CTNNA3: variants seen among roughly 807,000 people sequenced by gnomAD.
CTNNA3 encodes the protein catenin alpha-3.
In CTNNA3, 76 loss-of-function variants were observed where a neutral mutation model predicts 95.7. The ratio of observed to expected loss-of-function variants is 0.79; its 90% CI spans 0.66 to 0.96. The LOEUF (loss-of-function observed/expected upper bound fraction) is 0.96, where lower values mean the gene tolerates loss of function less well. Ranked by LOEUF, CTNNA3 falls within the 40% of genes least tolerant of loss-of-function variation. CTNNA3 has a pLI of 0.00. For missense variants in CTNNA3, 1,191 were observed against 1,089.8 expected, an observed-to-expected ratio of 1.09 and a Z score of -1.31; for synonymous variants, 431 against 374.4, an observed-to-expected ratio of 1.15 and a Z score of -1.74.
intron 5 of CTNNA3, among the ~76,000 whole-genome samples, chr10:67,428,754 A>G (rs372382638): frequency 7.9e-5 from 12 of 152,078 alleles, no homozygotes; most frequent in Admixed American, 1.3e-4. Context: ...TCAGCTTCCA[A>G]TGAATATAAA....
Position 67,606,965 on chromosome 10 carries a change from C to A in CTNNA3, c.184G>T (p.Val62Leu), listed in dbSNP as rs779408195. 18 of 1,613,836 alleles carry A rather than the reference C, an allele frequency of 1.1e-5. No homozygotes were observed. Among genetic ancestry groups the A allele is most frequent in the Non-Finnish European group, 1.3e-5 (15 of 1,179,700 alleles). The change falls in exon 3 of 18, where the codon GTG (valine) becomes TTG (leucine). Residue 62 changes from valine (V) to leucine (L), a missense_variant. Transcript: ENST00000433211. ...AATAAATTCCAAGTTGCTTCCTCCA[C>A]AGAAGCTAGAAGGACACTGGCTCTT... ...SKRASVLLAS[V>L]EEATWNLLDK...
chr10:65,999,358 T>C (rs1481301153), intron 15 of CTNNA3, among the ~76,000 whole-genome samples: 1 of 152,140 alleles, frequency 6.6e-6, no homozygotes, highest in African/African-American at 2.4e-5. Context: ...CAGTGTTATA[T>C]CTAAGGAGCA....
At chr10:67,380,986 T>C (rs1392156890) in intron 5 of CTNNA3, among the ~76,000 whole-genome samples, 5 of 152,194 alleles carry the variant, frequency 3.3e-5, no homozygotes, top group African/African-American at 7.2e-5. Flanking sequence ...ACAAATCTAT[T>C]GCCCTGAACT....
At position 66,905,827 on chromosome 10, in the gene CTNNA3, G is replaced by A. The variant is rs1845965847; in HGVS notation, c.1048-130303C>T. ...GAGTAAATGGTGGTTGCCAGGCATT[G>A]GGTGAGGAGGAAAGAGAAAATTGCT... is the stretch of plus-strand genomic sequence containing the variant. On this transcript the variant is annotated intron_variant, in intron 7 of 17. Transcript: ENST00000433211. Among the ~76,000 whole-genome samples the A allele has an allele frequency of 1.3e-5, 2 of 152,122 alleles. 1 individual carries two copies. Among genetic ancestry groups the A allele is most frequent in the Admixed American group, 1.3e-4 (2 of 15,266 alleles).
intron 1 of CTNNA3, among the ~76,000 whole-genome samples, chr10:67,738,499 C>T (rs1841315649): frequency 6.6e-6 from 1 of 152,032 alleles, no homozygotes; most frequent in East Asian, 1.9e-4. Flanking sequence ...AAAAACAGAG[C>T]AGAAAAACTG....
chr10:66,073,330 A>T (rs1323398468), intron 14 of CTNNA3, among the ~76,000 whole-genome samples: 1 of 152,166 alleles, frequency 6.6e-6, no homozygotes, highest in Non-Finnish European at 1.5e-5. Context: ...TAGCCAATAT[A>T]GTTCTTCTAC....
chr10:66,189,793 A>G (rs2086573093), intron 13 of CTNNA3, among the ~76,000 whole-genome samples: 1 of 151,762 alleles, frequency 6.6e-6, no homozygotes, highest in Non-Finnish European at 1.5e-5. Context: ...AATTTGTGTT[A>G]CTGCCAAGTA....
At chr10:66,239,952 C>A (rs1303104078) in intron 13 of CTNNA3, among the ~76,000 whole-genome samples, 1 of 151,716 alleles carries the variant, frequency 6.6e-6, no homozygotes, top group Non-Finnish European at 1.5e-5. Context: ...TTTATCTATA[C>A]CATATAGATG....
intron 11 of CTNNA3, among the ~76,000 whole-genome samples, chr10:66,442,168 A>G (rs1679067375): frequency 6.6e-6 from 1 of 152,132 alleles, no homozygotes; most frequent in African/African-American, 2.4e-5. Flanking sequence ...CATTTACAGT[A>G]TATTAGTTAT....
intron 11 of CTNNA3, among the ~76,000 whole-genome samples, chr10:66,386,953 G>A (rs550552116): frequency 6.6e-6 from 1 of 152,116 alleles, no homozygotes; most frequent in African/African-American, 2.4e-5. Flanking sequence ...ATTCAAGATG[G>A]ATTAAAGACT....
At position 66,473,352 on chromosome 10, in the gene CTNNA3, G is replaced by A. The variant is rs10997156; in HGVS notation, c.1531+47265C>T. Among the ~76,000 whole-genome samples, 4,636 of 151,800 alleles carry A rather than the reference G, an allele frequency of 0.031. 348 individuals are homozygous for A. In the East Asian group the frequency reaches 0.32, roughly 10 times the overall value. On this transcript the variant is annotated intron_variant, in intron 11 of 17. Transcript: ENST00000433211. ...GATGGTTTTATAAGAGGTTCTTCCT[G>A]CCTTGCTCCTCATGCTTCTCTCTCC... is the stretch of plus-strand genomic sequence containing the variant.
chr10:67,278,727 G>A (rs1420843700), intron 5 of CTNNA3, among the ~76,000 whole-genome samples: 3 of 152,178 alleles, frequency 2.0e-5, no homozygotes, highest in African/African-American at 4.8e-5. Flanking sequence ...GAGATTCTCT[G>A]TAGAATGTGG....
chr10:67,133,403 A>G (rs1023189064), intron 7 of CTNNA3, among the ~76,000 whole-genome samples: 2 of 146,056 alleles, frequency 1.4e-5, no homozygotes, highest in African/African-American at 2.6e-5. Context: ...ACACACACAC[A>G]ATGGTAGATA....
At chr10:66,488,657 A>G (rs926417922) in intron 11 of CTNNA3, among the ~76,000 whole-genome samples, 3 of 152,194 alleles carry the variant, frequency 2.0e-5, no homozygotes, top group Non-Finnish European at 4.4e-5. Flanking sequence ...TTTAAGTTGA[A>G]GTTTTTCAAA....
intron 5 of CTNNA3, among the ~76,000 whole-genome samples, chr10:67,375,033 C>T (rs562000604): frequency 1.2e-4 from 19 of 152,094 alleles, no homozygotes; most frequent in African/African-American, 3.9e-4. Context: ...TGTTTGACAC[C>T]GACATACTAA....
intron 5 of CTNNA3, among the ~76,000 whole-genome samples, chr10:67,226,622 C>T (rs771222265): frequency 5.3e-5 from 8 of 152,108 alleles, no homozygotes; most frequent in Non-Finnish European, 1.2e-4. Flanking sequence ...TCCAGTGAAA[C>T]TAAGCATCAT....
At chr10:66,480,081 G>A (rs952440614) in intron 11 of CTNNA3, among the ~76,000 whole-genome samples, 40 of 152,040 alleles carry the variant, frequency 2.6e-4, no homozygotes, top group African/African-American at 9.2e-4. Context: ...AACTGAAGCT[G>A]ATTTAGAAAA....
At chr10:67,471,176 G>A (rs1847808782) in intron 5 of CTNNA3, among the ~76,000 whole-genome samples, 2 of 152,038 alleles carry the variant, frequency 1.3e-5, no homozygotes, top group South Asian at 4.2e-4. Context: ...GTTATCTTTT[G>A]CATTGCAAGA....
At chr10:67,568,943 A>G (rs1841898906) in intron 3 of CTNNA3, among the ~76,000 whole-genome samples, 1 of 152,136 alleles carries the variant, frequency 6.6e-6, no homozygotes, top group Non-Finnish European at 1.5e-5. Flanking sequence ...AAGCATTAAG[A>G]CACAAATGCA....
Sources: allele counts gnomAD v4.1 joint callset (sites outside exome capture counted in the v4.1 genomes callset), GRCh38; gene constraint gnomAD v4.1.1; transcripts MANE v1.5; gene names NCBI Gene and HGNC (gene_info 2026-07-23, HGNC 2026-07-21).